The following SMCHD1 variants were observed in gnomAD, a reference collection of about 807,000 sequenced individuals.
SMCHD1 encodes structural maintenance of chromosomes flexible hinge domain-containing protein 1.
Under a neutral mutation model 254.7 loss-of-function variants are expected in SMCHD1, and 78 were observed. The ratio of observed to expected loss-of-function variants is 0.31; its 90% confidence interval spans 0.26 to 0.37. SMCHD1 has a LOEUF of 0.37. Among genes scored for constraint, SMCHD1 ranks in the 10% least tolerant of loss-of-function variants. The pLI, the probability that SMCHD1 is intolerant of heterozygous loss-of-function variation, is 1.00. For synonymous variants in SMCHD1, 766 were observed against 794.9 expected (o/e 0.96, Z 0.61); for missense variants, 1,840 against 2,408.1 (o/e 0.76, Z 4.94).
At chr18:2,772,957 C>T (rs185748493) in intron 41 of SMCHD1, among the ~76,000 whole-genome samples, 4 of 152,334 alleles carry the variant, frequency 2.6e-5, no homozygotes, top group Admixed American at 1.3e-4. Flanking sequence ...TAGTATTTCT[C>T]ATTTATACAT....
intron 42 of SMCHD1, among the ~76,000 whole-genome samples, chr18:2,777,071 C>G (rs531710414): frequency 2.8e-5 from 4 of 145,408 alleles, no homozygotes; most frequent in African/African-American, 7.4e-5. Flanking sequence ...CTCCCCCCCC[C>G]ATACCCTAAT....
rs12605423 is a variant in SMCHD1 at position 2,725,200 on chromosome 18, A to G, written c.2700+205A>G. On this transcript the variant is annotated intron_variant, in intron 21 of 47. Transcript: ENST00000320876. ...GTTGGCACATTTACTACTGTTGTTG[A>G]TTAAACATGAATTAAATATTTTTCA... 0.29 allele frequency among the ~76,000 whole-genome samples: 44,681 copies of G among 151,864 alleles called. 6,798 individuals carry two copies. Among genetic ancestry groups the G allele is most frequent in the East Asian group, 0.5 (2,566 of 5,178 alleles).
At chr18:2,735,599 A>T (rs1256590039) in intron 25 of SMCHD1, among the ~76,000 whole-genome samples, 10 of 152,212 alleles carry the variant, frequency 6.6e-5, no homozygotes, top group Admixed American at 6.5e-4. Context: ...CAAAATCAGT[A>T]TACAAAAACC....
rs1277905569 is a variant in SMCHD1 at position 2,793,656 on chromosome 18, C to CAAAAAA, written c.5720-2283_5720-2278dup. ...CTCCAGCCTGGGCGAGACTCCGTCT[C>CAAAAAA]AAAAAAAAAAAAAAAGAAAGAAAAC... On this transcript the variant is annotated intron_variant, in intron 45 of 47. Coordinates refer to ENST00000320876, the MANE Select transcript of SMCHD1 (RefSeq NM_015295.3). Among the ~76,000 whole-genome samples, 33 of 43,878 alleles carry CAAAAAA rather than the reference C, an allele frequency of 7.5e-4. 1 individual carries two copies. Among genetic ancestry groups the CAAAAAA allele is most frequent in the East Asian group, 3.8e-3 (5 of 1,310 alleles). The allele number at this position is 43,878 out of a possible 152,430, so 28.8% of individuals were successfully genotyped here. A position where few individuals can be genotyped will look rare whatever the true frequency, so the allele number is the denominator to read the frequency against.
At chr18:2,785,827 A>T (rs2076231453) in intron 45 of SMCHD1, among the ~76,000 whole-genome samples, 1 of 151,930 alleles carries the variant, frequency 6.6e-6, no homozygotes, top group African/African-American at 2.4e-5. Flanking sequence ...ACTTCTAGAT[A>T]CTTCATATAA....
chr18:2,761,811 C>G (rs374828150), intron 35 of SMCHD1, among the ~76,000 whole-genome samples: 1 of 152,134 alleles, frequency 6.6e-6, no homozygotes, highest in Admixed American at 6.5e-5. Flanking sequence ...CAGTGAGACT[C>G]TGTCTCAAAA....
At chr18:2,772,836 G>A (rs1362792571) in intron 41 of SMCHD1, among the ~76,000 whole-genome samples, 1 of 152,278 alleles carries the variant, frequency 6.6e-6, no homozygotes, top group Non-Finnish European at 1.5e-5. Context: ...TGCACAGATA[G>A]CAAGTGGCAG....
intron 12 of SMCHD1, 50 bp from the exon 13 acceptor site, chr18:2,703,642 T>C (rs755208975): frequency 1.2e-5 from 17 of 1,410,534 alleles, no homozygotes; most frequent in Non-Finnish European, 6.9e-6. Context: ...TTTATGGTTA[T>C]ATTTGTTTGC....
At chr18:2,742,850 A>G in intron 28 of SMCHD1, among the ~76,000 whole-genome samples, 1 of 151,782 alleles carries the variant, frequency 6.6e-6, no homozygotes, top group East Asian at 1.9e-4. Flanking sequence ...CTAATTTTAA[A>G]ATTTTTTGTA....
intron 44 of SMCHD1, among the ~76,000 whole-genome samples, chr18:2,783,895 C>G (rs1201673176): frequency 6.6e-6 from 1 of 152,022 alleles, no homozygotes; most frequent in African/African-American, 2.4e-5. Context: ...CTTAATTAAC[C>G]CTTCATCTTT....
At chr18:2,696,107 T>C (rs969462519) in intron 8 of SMCHD1, among the ~76,000 whole-genome samples, 1 of 152,216 alleles carries the variant, frequency 6.6e-6, no homozygotes. Context: ...AATATAATCT[T>C]TTTTAACCTT....
At chr18:2,673,438 G>C in intron 4 of SMCHD1, 75 bp downstream of exon 4, 1 of 993,284 alleles carries the variant, frequency 1.0e-6, no homozygotes, top group Non-Finnish European at 1.4e-6. Context: ...GAGAAAATGA[G>C]AAAATAGAGA....
chr18:2,728,667 ATAGT>A (rs957507041), intron 23 of SMCHD1, 71 bp downstream of exon 23: 37 of 1,484,944 alleles, frequency 2.5e-5, no homozygotes, highest in Non-Finnish European at 1.3e-5. Context: ...TAGCCACTTA[ATAGT>A]AAGTCTTACA....
At chr18:2,663,699 C>G (rs1273457281) in intron 1 of SMCHD1, among the ~76,000 whole-genome samples, 2 of 151,728 alleles carry the variant, frequency 1.3e-5, no homozygotes, top group Non-Finnish European at 2.9e-5. Context: ...CCTCTATTCT[C>G]TTCCACTGGT....
Position 2,770,917 on chromosome 18 carries a change from C to T in SMCHD1, c.4967-616C>T, listed in dbSNP as rs548019845. Reference sequence around the variant, plus strand: ...GATTACAGGTGTTAGCCACCACACCCAGCCTACGTTTGCTGCAATTCTTAA... The same window carrying T: ...GATTACAGGTGTTAGCCACCACACCTAGCCTACGTTTGCTGCAATTCTTAA... On this transcript the variant is annotated intron_variant, in intron 39 of 47. Coordinates refer to ENST00000320876, the MANE Select transcript of SMCHD1 (RefSeq NM_015295.3). Among the ~76,000 whole-genome samples the T allele has an allele frequency of 1.1e-4, 16 of 152,324 alleles. No homozygotes were observed. The East Asian group carries it at 3.1e-3, about 29-fold the overall frequency.
intron 36 of SMCHD1, among the ~76,000 whole-genome samples, chr18:2,762,624 G>T (rs904280693): frequency 1.3e-5 from 2 of 151,624 alleles, no homozygotes; most frequent in African/African-American, 2.4e-5. Flanking sequence ...GGACCACAAG[G>T]TGCACAGCAC....
chr18:2,770,838 C>A (rs552319874), intron 39 of SMCHD1, among the ~76,000 whole-genome samples: 1 of 152,084 alleles, frequency 6.6e-6, no homozygotes, highest in Non-Finnish European at 1.5e-5. Flanking sequence ...CCGGGCTGGT[C>A]TCGAACTTCT....
intron 1 of SMCHD1, among the ~76,000 whole-genome samples, chr18:2,660,716 G>A (rs969702046): frequency 1.8e-5 from 2 of 110,004 alleles, no homozygotes; most frequent in African/African-American, 1.0e-4. Flanking sequence ...TCAGGTGATC[G>A]ATCTACCCAC....
intron 3 of SMCHD1, among the ~76,000 whole-genome samples, chr18:2,672,173 T>C (rs1252913137): frequency 6.6e-6 from 1 of 152,202 alleles, no homozygotes; most frequent in Non-Finnish European, 1.5e-5. Context: ...TAAACATAGC[T>C]GTCCTTGGAG....
Sources: gnomAD v4.1 joint callset for allele counts (sites outside exome capture counted in the v4.1 genomes callset) on GRCh38, gnomAD v4.1.1 for gene constraint, MANE v1.5 for transcripts, NCBI Gene and HGNC (gene_info 2026-07-23, HGNC 2026-07-21) for gene names.